PDE12: variants seen among roughly 807,000 people sequenced by gnomAD.
The protein encoded by PDE12 is 2',5'-phosphodiesterase 12.
PDE12 carries 26 observed loss-of-function variants against 45.4 expected under a neutral mutation model. The ratio of observed to expected loss-of-function variants is 0.57; its 90% CI spans 0.42 to 0.79. PDE12 has a LOEUF of 0.79. PDE12 is among the 30% of genes least tolerant of loss of function. PDE12 has a pLI of 0.00. For missense variants in PDE12, 668 were observed against 790.0 expected, an observed-to-expected ratio of 0.85 and a Z score of 1.85; for synonymous variants, 283 against 323.9, an observed-to-expected ratio of 0.87 and a Z score of 1.36.
chr3:57,602,695 C>T, the PDE12 span, among the ~76,000 whole-genome samples: 19,403 of 152,042 alleles, frequency 0.13, 1,348 homozygotes, highest in South Asian at 0.21. Context: ...CTCAGCCTCC[C>T]GAGTAGCTGG....
chr3:57,635,614 C>CT, the PDE12 span, among the ~76,000 whole-genome samples: 1 of 152,004 alleles, frequency 6.6e-6, no homozygotes, highest in East Asian at 1.9e-4. Context: ...CACAAAATGC[C>CT]TTTGTTTAAA....
At chr3:57,622,265 A>G in the PDE12 span, among the ~76,000 whole-genome samples, 6 of 152,232 alleles carry the variant, frequency 3.9e-5, no homozygotes, top group Admixed American at 2.6e-4. Flanking sequence ...CATAATAAGC[A>G]AAAGGTTTGA....
In PDE12 at chr3:57,561,601, T is replaced by G; in HGVS notation, c.*1597T>G. 1.0e-6 allele frequency: 1 copy of G among 985,276 alleles called. No homozygotes were observed. Among genetic ancestry groups the G allele is most frequent in the Non-Finnish European group, 1.2e-6 (1 of 829,778 alleles). The allele number at this position is 985,276 out of a possible 1,614,324, so 61.0% of individuals were successfully genotyped here. ...TGTATTAGCTGTTGCTTTTTTGATGTTCAGGATAACTATGTTATCTCATTT... is the reference window on the plus strand; with the variant it reads ...TGTATTAGCTGTTGCTTTTTTGATGGTCAGGATAACTATGTTATCTCATTT... On this transcript the variant is annotated 3_prime_UTR_variant, in exon 3 of 3. Transcript: ENST00000311180.
At chr3:57,642,526 TAC>T in the PDE12 span, among the ~76,000 whole-genome samples, 1 of 152,050 alleles carries the variant, frequency 6.6e-6, no homozygotes, top group Admixed American at 6.6e-5. Flanking sequence ...TCTGTAGAAC[TAC>T]ACAGAGTTTA....
At position 57,562,185 on chromosome 3, in the gene PDE12, C is replaced by T. The variant is rs1226313977; in HGVS notation, c.*2181C>T. 8 of 842,922 alleles carry T rather than the reference C, an allele frequency of 9.5e-6. No homozygotes were observed. Among genetic ancestry groups the T allele is most frequent in the South Asian group, 5.5e-5 (1 of 18,342 alleles). 52.2% of individuals were successfully genotyped at this position (842,922 alleles called of 1,614,324 possible). ...GAGAAACATTTTGAAAGAAAAAATT[C>T]GAACATGCCCATGAAAAAAGCATAC... On this transcript the variant is annotated 3_prime_UTR_variant, in exon 3 of 3. Transcript: ENST00000311180.
chr3:57,595,181 A>G, the PDE12 span, among the ~76,000 whole-genome samples: 1 of 152,228 alleles, frequency 6.6e-6, no homozygotes, highest in Non-Finnish European at 1.5e-5. Context: ...TGCTGGTAGC[A>G]TACTTCTATA....
the PDE12 span, among the ~76,000 whole-genome samples, chr3:57,614,537 G>GTTTTTTTTTTTTTTTTTT: frequency 1.1e-5 from 1 of 95,060 alleles, no homozygotes; most frequent in African/African-American, 3.6e-5. Flanking sequence ...TTTTTTTTTT[G>GTTTTTTTTTTTTTTTTTT]TTTTTTGTTT....
the PDE12 span, chr3:57,584,092 T>C: frequency 3.7e-5 from 34 of 929,980 alleles, no homozygotes; most frequent in Non-Finnish European, 5.2e-5. Context: ...AGAATAGTGT[T>C]TTTAAAGTAC....
At chr3:57,647,369 A>G in the PDE12 span, among the ~76,000 whole-genome samples, 2 of 152,134 alleles carry the variant, frequency 1.3e-5, no homozygotes, top group Non-Finnish European at 2.9e-5. Flanking sequence ...ACTCAGTCCT[A>G]AAGCAGAACA....
chr3:57,601,509 C>T, the PDE12 span, among the ~76,000 whole-genome samples: 1 of 152,164 alleles, frequency 6.6e-6, no homozygotes. Flanking sequence ...AGCAGACCCC[C>T]TGTATCTTCA....
chr3:57,595,952 CAAAA>C, the PDE12 span, among the ~76,000 whole-genome samples: 1 of 129,664 alleles, frequency 7.7e-6, no homozygotes, highest in African/African-American at 2.9e-5. Context: ...ACTCCGTCTG[CAAAA>C]AAAAAAAAGG....
At chr3:57,653,114 T>C in the PDE12 span, among the ~76,000 whole-genome samples, 1 of 152,120 alleles carries the variant, frequency 6.6e-6, no homozygotes, top group African/African-American at 2.4e-5. Flanking sequence ...TACTACCAAA[T>C]GGTTTGGGAA....
chr3:57,570,427 C>CCCA (rs5849217), downstream of PDE12, among the ~76,000 whole-genome samples: 123,585 of 147,622 alleles, frequency 0.84, 52,344 homozygotes, highest in African/African-American at 0.95. Context: ...CACCATGTTG[C>CCCA]GGCTGGTCTT....
At chr3:57,590,132 T>A in the PDE12 span, among the ~76,000 whole-genome samples, 37 of 136,318 alleles carry the variant, frequency 2.7e-4, no homozygotes, top group East Asian at 6.6e-4. Flanking sequence ...AATAAATAAA[T>A]AAAACAAAAA....
chr3:57,634,732 C>T, the PDE12 span: 2 of 1,571,112 alleles, frequency 1.3e-6, no homozygotes, highest in Non-Finnish European at 8.6e-7. Flanking sequence ...TCTTTAGATT[C>T]TTCAGTTTTT....
the PDE12 span, among the ~76,000 whole-genome samples, chr3:57,599,010 C>T: frequency 1.3e-5 from 2 of 152,148 alleles, no homozygotes; most frequent in Admixed American, 6.6e-5. Context: ...TGAGGACACG[C>T]GTCCATGACA....
chr3:57,606,535 T>C, the PDE12 span, among the ~76,000 whole-genome samples: 1 of 152,110 alleles, frequency 6.6e-6, no homozygotes, highest in African/African-American at 2.4e-5. Context: ...TCCAACGAAA[T>C]AGCATGGGAA....
chr3:57,614,538 T>TTTTG, the PDE12 span, among the ~76,000 whole-genome samples: 5 of 107,378 alleles, frequency 4.7e-5, no homozygotes, highest in Non-Finnish European at 3.9e-5. Context: ...TTTTTTTTTG[T>TTTTG]TTTTTGTTTT....
At chr3:57,569,073 CTT>C (rs1030659677), downstream of PDE12, among the ~76,000 whole-genome samples, 1 of 152,090 alleles carries the variant, frequency 6.6e-6, no homozygotes, top group African/African-American at 2.4e-5. Context: ...ACAGAGAACT[CTT>C]ATTGCTTGAC....
Sources: gnomAD v4.1 joint callset for allele counts (sites outside exome capture counted in the v4.1 genomes callset) on GRCh38, gnomAD v4.1.1 for gene constraint, MANE v1.5 for transcripts, NCBI Gene and HGNC (gene_info 2026-07-23, HGNC 2026-07-21) for gene names.